Variants in NEK7 observed in about 807,000 individuals in gnomAD.
NEK7 encodes NIMA related kinase 7.
A neutral mutation model predicts 44.6 loss-of-function variants in NEK7; 18 were observed. That is an observed-to-expected ratio of 0.40 (90% CI 0.28 to 0.60). The LOEUF (loss-of-function observed/expected upper bound fraction) is 0.60, where lower values mean the gene tolerates loss of function less well. Ranked by LOEUF, NEK7 falls within the 20% of genes least tolerant of loss-of-function variation. NEK7 has a pLI of 0.38. For synonymous variants in NEK7, 130 were observed against 121.1 expected, an observed-to-expected ratio of 1.07 and a Z score of -0.48; for missense variants, 256 against 366.5, an observed-to-expected ratio of 0.70 and a Z score of 2.46.
At chr1:198,274,395 T>A (rs923547400) in intron 5 of NEK7, among the ~76,000 whole-genome samples, 46 of 151,684 alleles carry the variant, frequency 3.0e-4, no homozygotes, top group African/African-American at 1.1e-3. Context: ...AACAGAGCTT[T>A]AAACCCCAAG....
At chr1:198,301,392 T>C (rs1057197673) in intron 9 of NEK7, among the ~76,000 whole-genome samples, 4 of 152,202 alleles carry the variant, frequency 2.6e-5, no homozygotes, top group Admixed American at 6.5e-5. Flanking sequence ...CTACTAAAAA[T>C]GCAACAAATT....
At chr1:198,249,942 G>A (rs1351920152) in intron 2 of NEK7, among the ~76,000 whole-genome samples, 1 of 147,062 alleles carries the variant, frequency 6.8e-6, no homozygotes, top group African/African-American at 2.6e-5. Context: ...TTTTAGACAT[G>A]AAGTCCTTGC....
At chr1:198,190,116 TAA>T (rs1665031329) in intron 1 of NEK7, among the ~76,000 whole-genome samples, 1 of 152,144 alleles carries the variant, frequency 6.6e-6, no homozygotes, top group Admixed American at 6.5e-5. Flanking sequence ...ACTGCCACAT[TAA>T]GTTTTCTGTT....
chr1:198,249,959 C>G (rs930433827), intron 2 of NEK7, among the ~76,000 whole-genome samples: 2 of 146,100 alleles, frequency 1.4e-5, no homozygotes, highest in South Asian at 2.3e-4. Context: ...TTGCCCATGC[C>G]TATGTCCTGA....
intron 2 of NEK7, among the ~76,000 whole-genome samples, chr1:198,251,782 C>G (rs1359114645): frequency 6.6e-6 from 1 of 151,872 alleles, no homozygotes; most frequent in African/African-American, 2.4e-5. Flanking sequence ...CTTTATTAGT[C>G]TTGCTAGCAG....
chr1:198,265,026 A>G (rs112661419), intron 5 of NEK7, among the ~76,000 whole-genome samples: 2 of 152,240 alleles, frequency 1.3e-5, no homozygotes, highest in Non-Finnish European at 2.9e-5. Flanking sequence ...TCTCTGTCAC[A>G]TAAAAGTCTG....
At chr1:198,217,856 A>G (rs1032169058) in intron 1 of NEK7, among the ~76,000 whole-genome samples, 2 of 148,892 alleles carry the variant, frequency 1.3e-5, no homozygotes, top group African/African-American at 5.0e-5. Context: ...AAAAAAAAAA[A>G]GCCCCAAGCC....
At chr1:198,251,380 G>C (rs1384366910) in intron 2 of NEK7, among the ~76,000 whole-genome samples, 1 of 141,784 alleles carries the variant, frequency 7.1e-6, no homozygotes, top group Non-Finnish European at 1.5e-5. Flanking sequence ...TCAGGATGAT[G>C]CTGGCCTCAT....
intron 1 of NEK7, among the ~76,000 whole-genome samples, chr1:198,215,815 AC>A (rs906451949): frequency 4.7e-5 from 7 of 150,142 alleles, no homozygotes; most frequent in South Asian, 4.2e-4. Context: ...ATAAAAAAAA[AC>A]ATCATTATAG....
intron 1 of NEK7, among the ~76,000 whole-genome samples, chr1:198,182,712 C>A (rs1175825362): frequency 6.6e-6 from 1 of 152,086 alleles, no homozygotes; most frequent in African/African-American, 2.4e-5. Flanking sequence ...ATAATTTTTA[C>A]ATACTTTAAT....
intron 3 of NEK7, among the ~76,000 whole-genome samples, chr1:198,254,270 G>A (rs1458798343): frequency 6.6e-6 from 1 of 152,002 alleles, no homozygotes; most frequent in East Asian, 1.9e-4. Flanking sequence ...AAATATTTTC[G>A]ACATGTGTGT....
At chr1:198,255,814 T>A (rs1653242540) in intron 3 of NEK7, among the ~76,000 whole-genome samples, 1 of 152,158 alleles carries the variant, frequency 6.6e-6, no homozygotes, top group Non-Finnish European at 1.5e-5. Context: ...CTTACCTTAT[T>A]TATTAGGGAG....
chr1:198,246,444 T>TA (rs1157873483), intron 2 of NEK7, among the ~76,000 whole-genome samples: 3 of 152,234 alleles, frequency 2.0e-5, no homozygotes, highest in African/African-American at 4.8e-5. Flanking sequence ...TTAAACAGAT[T>TA]ACGTCTAATG....
intron 1 of NEK7, among the ~76,000 whole-genome samples, chr1:198,223,030 A>G (rs1666113314): frequency 6.6e-6 from 1 of 152,142 alleles, no homozygotes; most frequent in Non-Finnish European, 1.5e-5. Context: ...TCAAGAACAG[A>G]AAGGAGTTCA....
intron 9 of NEK7, among the ~76,000 whole-genome samples, chr1:198,317,887 T>TTTTA (rs1655420586): frequency 6.9e-6 from 1 of 144,734 alleles, no homozygotes; most frequent in South Asian, 2.2e-4. Context: ...ATTTTTTTTT[T>TTTTA]TTTTTTTTTT....
chr1:198,228,368 T>C (rs1666289567), intron 1 of NEK7, among the ~76,000 whole-genome samples: 2 of 152,216 alleles, frequency 1.3e-5, no homozygotes, highest in Non-Finnish European at 2.9e-5. Flanking sequence ...TTTGGTTCCA[T>C]GTGAACTTTA....
chr1:198,270,296 TAGA>T lies in NEK7; in HGVS notation c.372+6066_372+6068del, dbSNP rs148033987. Reference sequence around the variant, plus strand: ...TTAATATAGGTCAATTTGAGACAAATAGAAGAAACTGTAAATGCATGTATTTAA... The same window carrying T: ...TTAATATAGGTCAATTTGAGACAAATAGAAACTGTAAATGCATGTATTTAA... On this transcript the variant is annotated intron_variant, in intron 5 of 9. Transcript: ENST00000367385. 6.9e-3 allele frequency among the ~76,000 whole-genome samples: 1,045 copies of T among 152,026 alleles called. 10 individuals carry two copies. The highest frequency in any genetic ancestry group is 0.02 in the African/African-American group (812 of 41,538).
chr1:198,282,550 G>T (rs1384994038), intron 7 of NEK7, among the ~76,000 whole-genome samples: 1 of 152,068 alleles, frequency 6.6e-6, no homozygotes, highest in African/African-American at 2.4e-5. Context: ...CCAGTGTCTG[G>T]ATTTATAAAA....
intron 8 of NEK7, among the ~76,000 whole-genome samples, chr1:198,293,401 G>A (rs1654617801): frequency 6.6e-6 from 1 of 151,844 alleles, no homozygotes. Context: ...ATATATGAAA[G>A]TATAGTAAAT....
Sources: allele counts gnomAD v4.1 joint callset (sites outside exome capture counted in the v4.1 genomes callset), GRCh38; gene constraint gnomAD v4.1.1; transcripts MANE v1.5; gene names NCBI Gene and HGNC (gene_info 2026-07-23, HGNC 2026-07-21).